Variants in CCSER2 observed in about 807,000 individuals in gnomAD.
CCSER2 encodes coiled-coil serine rich protein 2, also known as serine-rich coiled-coil domain-containing protein 2.
In CCSER2, 46 loss-of-function variants were observed where a neutral mutation model predicts 92.3. The ratio of observed to expected loss-of-function variants is 0.50; its 90% CI spans 0.39 to 0.64. The LOEUF is 0.64. CCSER2 is among the 30% of genes least tolerant of loss of function. The pLI is 0.00. For synonymous variants in CCSER2, 433 were observed against 431.4 expected (o/e 1.00, Z -0.04); for missense variants, 1,244 against 1,238.9 (o/e 1.00, Z -0.06).
chr10:84,461,455 T>C (rs901246747), intron 6 of CCSER2, among the ~76,000 whole-genome samples: 7 of 152,196 alleles, frequency 4.6e-5, no homozygotes, highest in African/African-American at 1.7e-4. Context: ...TGTCCGCATA[T>C]GTTCCTGAGC....
chr10:84,437,591 C>G (rs140994197), intron 5 of CCSER2, among the ~76,000 whole-genome samples: 1 of 151,722 alleles, frequency 6.6e-6, no homozygotes, highest in Non-Finnish European at 1.5e-5. Context: ...ATAACTATGA[C>G]TTCTGGTTAA....
chr10:84,360,638 C>T (rs970986144), intron 1 of CCSER2, among the ~76,000 whole-genome samples: 2 of 152,172 alleles, frequency 1.3e-5, no homozygotes, highest in African/African-American at 4.8e-5. Context: ...TTCAGTTAGC[C>T]CGCTCTTGCA....
At chr10:84,513,061 G>A (rs755257754) in intron 9 of CCSER2, among the ~76,000 whole-genome samples, 7 of 151,952 alleles carry the variant, frequency 4.6e-5, no homozygotes, top group Non-Finnish European at 8.8e-5. Context: ...GTATTCCGAA[G>A]GTCACCGTTA....
At chr10:84,509,722 T>G (rs1380617955) in intron 9 of CCSER2, among the ~76,000 whole-genome samples, 1 of 152,188 alleles carries the variant, frequency 6.6e-6, no homozygotes, top group Non-Finnish European at 1.5e-5. Flanking sequence ...GATTAAAGTT[T>G]TACTCATTTG....
chr10:84,438,253 C>T (rs1023825212), intron 5 of CCSER2, among the ~76,000 whole-genome samples: 2 of 152,048 alleles, frequency 1.3e-5, no homozygotes, highest in Non-Finnish European at 2.9e-5. Context: ...GTTTCTATTC[C>T]GGTGCCTAAA....
intron 8 of CCSER2, among the ~76,000 whole-genome samples, chr10:84,470,814 C>T (rs1273654386): frequency 2.6e-5 from 4 of 151,986 alleles, no homozygotes; most frequent in Non-Finnish European, 5.9e-5. Context: ...TCTCTGTGAG[C>T]AGAATTAGCC....
chr10:84,380,417 C>T (rs1352796286), intron 3 of CCSER2, among the ~76,000 whole-genome samples: 1 of 151,912 alleles, frequency 6.6e-6, no homozygotes, highest in Non-Finnish European at 1.5e-5. Context: ...GAGCCTGTTG[C>T]TTCTGTTTTG....
At chr10:84,455,983 C>T (rs1845593284) in intron 6 of CCSER2, 3 of 593,858 alleles carry the variant, frequency 5.1e-6, no homozygotes, top group Non-Finnish European at 9.8e-6. Flanking sequence ...GCATCACGTA[C>T]TCCTTTCCTA....
intron 9 of CCSER2, among the ~76,000 whole-genome samples, chr10:84,491,674 C>T (rs1848173959): frequency 6.6e-6 from 1 of 152,168 alleles, no homozygotes. Context: ...AATTCCTTGA[C>T]CCCTTGTGCT....
chr10:84,454,256 T>A (rs1293493839), intron 6 of CCSER2, among the ~76,000 whole-genome samples: 1 of 152,210 alleles, frequency 6.6e-6, no homozygotes, highest in Non-Finnish European at 1.5e-5. Context: ...CTCCCTTGTG[T>A]GTCTGTGGGT....
At chr10:84,387,746 T>C (rs2133242626) in intron 3 of CCSER2, among the ~76,000 whole-genome samples, 1 of 152,284 alleles carries the variant, frequency 6.6e-6, no homozygotes, top group Non-Finnish European at 1.5e-5. Context: ...GCCAGGATGG[T>C]CTCGATCTCC....
chr10:84,372,574 C>A, intron 2 of CCSER2, 105 bp downstream of exon 2: 1 of 747,522 alleles, frequency 1.3e-6, no homozygotes, highest in Non-Finnish European at 2.1e-6. Context: ...ATCAGTTTCA[C>A]GGAGGGATAG....
chr10:84,438,758 G>C (rs1844342616), intron 6 of CCSER2, 51 bp downstream of exon 6: 2 of 1,164,328 alleles, frequency 1.7e-6, no homozygotes, highest in Middle Eastern at 4.1e-4. Context: ...TTGCAAAATG[G>C]ATTGACTTTA....
At chr10:84,433,660 A>G (rs983141654) in intron 5 of CCSER2, among the ~76,000 whole-genome samples, 2 of 152,260 alleles carry the variant, frequency 1.3e-5, no homozygotes, top group East Asian at 1.9e-4. Context: ...TAATTATGCA[A>G]CAATGATTTG....
chr10:84,440,129 A>T (rs1245301407), intron 6 of CCSER2, among the ~76,000 whole-genome samples: 2 of 152,208 alleles, frequency 1.3e-5, no homozygotes, highest in African/African-American at 4.8e-5. Flanking sequence ...TAGTAGGTGA[A>T]TTGGTAACCA....
intron 6 of CCSER2, among the ~76,000 whole-genome samples, chr10:84,456,912 C>T (rs1845658213): frequency 6.6e-6 from 1 of 151,688 alleles, no homozygotes; most frequent in African/African-American, 2.4e-5. Flanking sequence ...TGCCTATTAA[C>T]ACAAATGTCT....
chr10:84,406,800 T>C (rs1051480087), intron 3 of CCSER2, among the ~76,000 whole-genome samples: 1 of 152,200 alleles, frequency 6.6e-6, no homozygotes, highest in Admixed American at 6.5e-5. Flanking sequence ...CATTAACCAA[T>C]TTCCGCACTG....
intron 9 of CCSER2, among the ~76,000 whole-genome samples, chr10:84,496,597 C>T (rs532838316): frequency 2.6e-5 from 4 of 152,138 alleles, no homozygotes; most frequent in Non-Finnish European, 5.9e-5. Flanking sequence ...CCCAGTCCTC[C>T]CTTTCTGATG....
intron 1 of CCSER2, among the ~76,000 whole-genome samples, chr10:84,355,440 C>T (rs531369234): frequency 6.6e-6 from 1 of 152,238 alleles, no homozygotes; most frequent in East Asian, 1.9e-4. Flanking sequence ...TCTTTTGAAA[C>T]TCAGCTCAAG....
Sources: allele counts gnomAD v4.1 joint callset (sites outside exome capture counted in the v4.1 genomes callset), GRCh38; gene constraint gnomAD v4.1.1; transcripts MANE v1.5; gene names NCBI Gene and HGNC (gene_info 2026-07-23, HGNC 2026-07-21).